KLRG1: variants seen among roughly 807,000 people sequenced by gnomAD.
KLRG1 encodes killer cell lectin like receptor G1.
Under a neutral mutation model 21.8 loss-of-function variants are expected in KLRG1, and 16 were observed. The ratio of observed to expected loss-of-function variants is 0.73; its 90% CI spans 0.50 to 1.11. The LOEUF (loss-of-function observed/expected upper bound fraction) is 1.11, where lower values mean the gene tolerates loss of function less well. KLRG1 is among the 50% of genes most tolerant of loss of function. The pLI, the probability that KLRG1 is intolerant of heterozygous loss-of-function variation, is 0.00. For synonymous variants in KLRG1, 69 were observed against 75.9 expected, an observed-to-expected ratio of 0.91 and a Z score of 0.47; for missense variants, 173 against 218.3, an observed-to-expected ratio of 0.79 and a Z score of 1.31.
At chr12:9,109,706 C>T in the KLRG1 span, among the ~76,000 whole-genome samples, 3 of 152,160 alleles carry the variant, frequency 2.0e-5, no homozygotes, top group Non-Finnish European at 4.4e-5. Flanking sequence ...GTCCTATTCA[C>T]AGATCACTGA....
chr12:8,984,500 T>G (rs12820395), intron 1 of KLRG1, among the ~76,000 whole-genome samples: 54,607 of 152,038 alleles, frequency 0.36, 10,887 homozygotes, highest in South Asian at 0.44. Flanking sequence ...ATTATCCACC[T>G]GCCCCCGCCT....
At chr12:9,077,198 C>A in the KLRG1 span, 1 of 853,612 alleles carries the variant, frequency 1.2e-6, no homozygotes, top group South Asian at 2.0e-5. Flanking sequence ...ATGGGCTGAC[C>A]AAATTCTCTG....
At chr12:9,084,156 C>A in the KLRG1 span, among the ~76,000 whole-genome samples, 1 of 152,004 alleles carries the variant, frequency 6.6e-6, no homozygotes, top group Non-Finnish European at 1.5e-5. Flanking sequence ...CTAAGGGAGT[C>A]GTCAACATTA....
the KLRG1 span, chr12:9,109,549 C>T: frequency 7.5e-6 from 5 of 671,136 alleles, no homozygotes; most frequent in East Asian, 1.4e-4. Flanking sequence ...CTTATCTATC[C>T]TCCTCTCAAA....
intron 1 of KLRG1, among the ~76,000 whole-genome samples, chr12:8,981,846 A>G (rs1046526105): frequency 2.6e-5 from 4 of 152,202 alleles, no homozygotes; most frequent in African/African-American, 7.2e-5. Context: ...ATATCCAACT[A>G]TGATTATTGA....
chr12:9,158,699 A>T, the KLRG1 span: 2 of 865,964 alleles, frequency 2.3e-6, no homozygotes, highest in Non-Finnish European at 1.6e-6. Flanking sequence ...TGTTACTGAG[A>T]GTTTGGAGAC....
the KLRG1 span, chr12:9,164,319 T>C: frequency 6.5e-7 from 1 of 1,541,740 alleles, no homozygotes. Flanking sequence ...CACGAACACA[T>C]AGAATTGGGG....
chr12:9,160,414 C>T, the KLRG1 span: 2 of 1,613,856 alleles, frequency 1.2e-6, no homozygotes, highest in African/African-American at 2.7e-5. Flanking sequence ...CAAATAGGAC[C>T]ATGTTCTGTT....
chr12:9,215,309 A>G, the KLRG1 span, among the ~76,000 whole-genome samples: 2 of 151,946 alleles, frequency 1.3e-5, no homozygotes, highest in African/African-American at 4.8e-5. Flanking sequence ...GATTTCCAAG[A>G]CTCTTTTTAG....
At chr12:9,060,842 G>A in the KLRG1 span, among the ~76,000 whole-genome samples, 75 of 152,092 alleles carry the variant, frequency 4.9e-4, no homozygotes, top group African/African-American at 1.6e-3. Context: ...TTTTCGTCAC[G>A]TGAAGACTAT....
chr12:9,152,698 A>G, the KLRG1 span: 1 of 1,000,290 alleles, frequency 1.0e-6, no homozygotes, highest in Non-Finnish European at 1.4e-6. Flanking sequence ...GCCTAAATTC[A>G]TTTATAGATA....
At chr12:9,076,813 T>C in the KLRG1 span, 1 of 1,614,018 alleles carries the variant, frequency 6.2e-7, no homozygotes. Flanking sequence ...TTGTCCTGGT[T>C]ACCTGCCAGG....
In KLRG1 at chr12:8,995,102, G is replaced by T; in HGVS notation, c.188-17G>T. 6.4e-7 allele frequency: 1 copy of T among 1,570,552 alleles called. No individual in the cohort carries two copies. The highest frequency in any genetic ancestry group is 8.6e-7 in the Non-Finnish European group (1 of 1,162,504). On this transcript the variant is annotated splice_polypyrimidine_tract_variant and intron_variant, in intron 2 of 4. Coordinates refer to ENST00000356986, the MANE Select transcript of KLRG1 (RefSeq NM_005810.4). Reference sequence around the variant, plus strand: ...AGTGGTCCATAAAGATGTGAACCAGGTCCTCTTCTCTCCTAGGCTCCAACT... The same window carrying T: ...AGTGGTCCATAAAGATGTGAACCAGTTCCTCTTCTCTCCTAGGCTCCAACT...
the KLRG1 span, chr12:9,162,456 A>G: frequency 7.7e-6 from 5 of 645,256 alleles, no homozygotes; most frequent in East Asian, 1.4e-4. Flanking sequence ...TGTAAAACAT[A>G]CATAAAGAAA....
At chr12:9,008,707 T>C (rs1243285797) in intron 3 of KLRG1, among the ~76,000 whole-genome samples, 3 of 152,168 alleles carry the variant, frequency 2.0e-5, no homozygotes, top group Middle Eastern at 3.4e-3. Flanking sequence ...AATTGCATCA[T>C]GGAGGCCCCA....
the KLRG1 span, chr12:9,164,054 G>T: frequency 6.8e-7 from 1 of 1,475,884 alleles, no homozygotes; most frequent in Non-Finnish European, 9.2e-7. Context: ...GCAAATAAAA[G>T]AGAGAATATG....
chr12:9,125,389 C>T, the KLRG1 span, among the ~76,000 whole-genome samples: 1 of 152,196 alleles, frequency 6.6e-6, no homozygotes, highest in East Asian at 1.9e-4. Context: ...GAGCTTGTCG[C>T]CAGCCGCAGA....
chr12:9,025,500 G>A, the KLRG1 span, among the ~76,000 whole-genome samples: 1 of 152,148 alleles, frequency 6.6e-6, no homozygotes, highest in African/African-American at 2.4e-5. Flanking sequence ...AGCTGAGCAC[G>A]TTAGCACATG....
At chr12:8,969,825 T>C (rs1946538173) in intron 1 of KLRG1, among the ~76,000 whole-genome samples, 1 of 152,106 alleles carries the variant, frequency 6.6e-6, no homozygotes, top group Non-Finnish European at 1.5e-5. Flanking sequence ...ATGAAAAGCA[T>C]ACTAAGGGCT....
Sources: allele counts gnomAD v4.1 joint callset (sites outside exome capture counted in the v4.1 genomes callset), GRCh38; gene constraint gnomAD v4.1.1; transcripts MANE v1.5; gene names NCBI Gene and HGNC (gene_info 2026-07-23, HGNC 2026-07-21).